Variants in CSMD3 observed in about 807,000 individuals in gnomAD.
CSMD3 encodes CUB and Sushi multiple domains 3.
Under a neutral mutation model 435.2 loss-of-function variants are expected in CSMD3, and 177 were observed. The observed-to-expected ratio is 0.41, with a 90% CI of 0.36 to 0.46. The LOEUF is 0.46. Ranked by LOEUF, CSMD3 falls within the 20% of genes least tolerant of loss-of-function variation. The pLI, the probability that CSMD3 is intolerant of heterozygous loss-of-function variation, is 0.34. For missense variants in CSMD3, 4,265 were observed against 4,504.6 expected, an observed-to-expected ratio of 0.95 and a Z score of 1.52; for synonymous variants, 1,656 against 1,520.5, an observed-to-expected ratio of 1.09 and a Z score of -2.07.
chr8:112,947,880 G>A lies in CSMD3; in HGVS notation c.1421-3C>T, dbSNP rs768045688. On this transcript the variant is annotated splice_polypyrimidine_tract_variant and splice_region_variant and intron_variant, in intron 8 of 70. Coordinates refer to ENST00000297405, the MANE Select transcript of CSMD3 (RefSeq NM_198123.2). ...TGTTTTAATACCTCCCTCATTTACTGCAACAGCAGGGAAAAAAGAAAAAAG... is the reference window on the plus strand; with the variant it reads ...TGTTTTAATACCTCCCTCATTTACTACAACAGCAGGGAAAAAAGAAAAAAG... The A allele has an allele frequency of 1.5e-6, 2 of 1,346,318 alleles. No homozygotes were observed. The highest frequency in any genetic ancestry group is 1.7e-5 in the Admixed American group (1 of 59,228). The allele number at this position is 1,346,318 out of a possible 1,614,324, so 83.4% of individuals were successfully genotyped here. A position where few individuals can be genotyped will look rare whatever the true frequency, so the allele number is the denominator to read the frequency against.
In CSMD3 at chr8:112,691,082, C is replaced by T. The variant is rs927934581; in HGVS notation, c.1973-1032G>A. Among the ~76,000 whole-genome samples the T allele has an allele frequency of 2.0e-5, 3 of 152,096 alleles. No homozygotes were observed. The South Asian group carries it at 6.2e-4, about 32-fold the overall frequency. ...TATAGAAACCTAAAAATTATCTTCACAAAAACTATGCAGTATTGTTTCATG... is the reference window on the plus strand; with the variant it reads ...TATAGAAACCTAAAAATTATCTTCATAAAAACTATGCAGTATTGTTTCATG... On this transcript the variant is annotated intron_variant, in intron 13 of 70. Transcript: ENST00000297405.
chr8:112,896,009 G>A (rs969058108), intron 10 of CSMD3, among the ~76,000 whole-genome samples: 1 of 151,372 alleles, frequency 6.6e-6, no homozygotes, highest in African/African-American at 2.4e-5. Flanking sequence ...ATCTGTACTG[G>A]TTTTAAACAT....
At chr8:112,876,901 T>C (rs1171275174) in intron 10 of CSMD3, among the ~76,000 whole-genome samples, 1 of 152,136 alleles carries the variant, frequency 6.6e-6, no homozygotes, top group African/African-American at 2.4e-5. Flanking sequence ...ATAAGCAACT[T>C]CAGAAAAATC....
intron 5 of CSMD3, among the ~76,000 whole-genome samples, chr8:113,092,794 C>A (rs956560139): frequency 6.6e-6 from 1 of 151,914 alleles, no homozygotes; most frequent in Non-Finnish European, 1.5e-5. Flanking sequence ...TGGTGCGGTT[C>A]CCATAAATGC....
chr8:112,768,397 T>C (rs2078033238), intron 13 of CSMD3, among the ~76,000 whole-genome samples: 1 of 151,912 alleles, frequency 6.6e-6, no homozygotes, highest in South Asian at 2.1e-4. Flanking sequence ...GCTTAAACAA[T>C]TTTATTCCTT....
Position 112,607,073 on chromosome 8 carries a change from G to C in CSMD3, c.3716-19838C>G, listed in dbSNP as rs1389519729. 4.2e-5 allele frequency among the ~76,000 whole-genome samples: 6 copies of C among 143,934 alleles called. No individual in the cohort carries two copies. The Admixed American group carries it at 4.2e-4, about 10-fold the overall frequency. 94.4% of individuals were successfully genotyped at this position (143,934 alleles called of 152,430 possible). A position where few individuals can be genotyped will look rare whatever the true frequency, so the allele number is the denominator to read the frequency against. On this transcript the variant is annotated intron_variant, in intron 22 of 70. Coordinates refer to ENST00000297405, the MANE Select transcript of CSMD3 (RefSeq NM_198123.2). ...TGAAATGGAGACTAGGAAAGCAATA[G>C]AAAAGATCAACAAACCAAGAGTTGG...
chr8:112,808,782 T>C (rs2079153009), intron 12 of CSMD3, among the ~76,000 whole-genome samples: 1 of 152,094 alleles, frequency 6.6e-6, no homozygotes, highest in South Asian at 2.1e-4. Flanking sequence ...ACAGAAAATC[T>C]AGCCCCTTCT....
At chr8:113,041,344 TAGGA>T (rs770338481) in intron 5 of CSMD3, among the ~76,000 whole-genome samples, 8 of 151,850 alleles carry the variant, frequency 5.3e-5, no homozygotes, top group Non-Finnish European at 1.2e-4. Flanking sequence ...AGAATAAAAA[TAGGA>T]AGAGAAATGT....
chr8:113,399,106 T>TATATATATATATACAC (rs773585004), intron 1 of CSMD3, among the ~76,000 whole-genome samples: 189 of 95,044 alleles, frequency 2.0e-3, no homozygotes, highest in Middle Eastern at 6.6e-3. Flanking sequence ...TATATATATA[T>TATATATATATATACAC]ACACACACAC....
intron 40 of CSMD3, among the ~76,000 whole-genome samples, chr8:112,349,105 T>C (rs1445711880): frequency 1.3e-5 from 2 of 151,146 alleles, no homozygotes; most frequent in Non-Finnish European, 2.9e-5. Flanking sequence ...TTTCTAATTA[T>C]GATATGAGAT....
chr8:112,657,313 T>G (rs1262119437), intron 17 of CSMD3, among the ~76,000 whole-genome samples: 1 of 152,144 alleles, frequency 6.6e-6, no homozygotes, highest in Non-Finnish European at 1.5e-5. Flanking sequence ...TCCACCTGTC[T>G]TGGCCTCCCA....
chr8:112,598,785 A>G (rs548518071), intron 22 of CSMD3, among the ~76,000 whole-genome samples: 119 of 152,292 alleles, frequency 7.8e-4, no homozygotes, highest in African/African-American at 2.7e-3. Context: ...TCCCTATTTA[A>G]TAAATGGTGC....
At chr8:113,273,427 G>T (rs969163083) in intron 3 of CSMD3, among the ~76,000 whole-genome samples, 1 of 151,948 alleles carries the variant, frequency 6.6e-6, no homozygotes, top group Non-Finnish European at 1.5e-5. Context: ...AAAAATTCCA[G>T]AAATAAACAA....
intron 13 of CSMD3, among the ~76,000 whole-genome samples, chr8:112,774,789 A>G (rs1249127658): frequency 1.3e-5 from 2 of 152,050 alleles, no homozygotes; most frequent in Non-Finnish European, 2.9e-5. Context: ...TAATTGCAGT[A>G]GCCTCTTAAT....
intron 1 of CSMD3, among the ~76,000 whole-genome samples, chr8:113,393,394 AT>A (rs1021109781): frequency 6.6e-6 from 1 of 152,118 alleles, no homozygotes; most frequent in Non-Finnish European, 1.5e-5. Flanking sequence ...ACAAATAAAC[AT>A]TTTTTAAAAA....
At chr8:112,401,617 G>T (rs1346941502) in intron 35 of CSMD3, among the ~76,000 whole-genome samples, 1 of 152,070 alleles carries the variant, frequency 6.6e-6, no homozygotes, top group Non-Finnish European at 1.5e-5. Flanking sequence ...AAACCAAAAT[G>T]TCTATTTCTT....
chr8:113,011,093 C>T (rs1564205698), intron 6 of CSMD3, among the ~76,000 whole-genome samples: 1 of 151,548 alleles, frequency 6.6e-6, no homozygotes, highest in Non-Finnish European at 1.5e-5. Context: ...ATAATTCTGG[C>T]AGTCTCAACA....
At chr8:112,796,347 G>C (rs2078829003) in intron 13 of CSMD3, among the ~76,000 whole-genome samples, 1 of 151,966 alleles carries the variant, frequency 6.6e-6, no homozygotes, top group South Asian at 2.1e-4. Context: ...TAGATTCTGG[G>C]AATACAGCAA....
intron 10 of CSMD3, among the ~76,000 whole-genome samples, chr8:112,886,543 G>A (rs953019233): frequency 9.3e-5 from 14 of 151,244 alleles, no homozygotes; most frequent in Non-Finnish European, 1.5e-4. Context: ...TATCCCTACA[G>A]ATGATGGCAA....
Sources: allele counts gnomAD v4.1 joint callset (sites outside exome capture counted in the v4.1 genomes callset), GRCh38; gene constraint gnomAD v4.1.1; transcripts MANE v1.5; gene names NCBI Gene and HGNC (gene_info 2026-07-23, HGNC 2026-07-21).